BTRC: variants seen among roughly 807,000 people sequenced by gnomAD.
BTRC encodes beta-transducin repeat containing E3 ubiquitin protein ligase, also known as F-box/WD repeat-containing protein 1A.
A neutral mutation model predicts 85.5 loss-of-function variants in BTRC; 42 were observed. The observed-to-expected ratio is 0.49, with a 90% confidence interval of 0.38 to 0.64. The LOEUF (loss-of-function observed/expected upper bound fraction) is 0.64, where lower values mean the gene tolerates loss of function less well. Ranked by LOEUF, BTRC falls within the 30% of genes least tolerant of loss-of-function variation. The pLI, the probability that BTRC is intolerant of heterozygous loss-of-function variation, is 0.00. For synonymous variants in BTRC, 255 were observed against 263.3 expected, an observed-to-expected ratio of 0.97 and a Z score of 0.30; for missense variants, 594 against 743.5, an observed-to-expected ratio of 0.80 and a Z score of 2.34.
chr10:101,356,202 A>G (rs940337209), intron 1 of BTRC, among the ~76,000 whole-genome samples: 6 of 152,034 alleles, frequency 3.9e-5, no homozygotes, highest in Admixed American at 6.6e-5. Flanking sequence ...GGGTTTCACT[A>G]TGTTGGCCAG....
intron 1 of BTRC, among the ~76,000 whole-genome samples, chr10:101,383,057 A>ATTTTTT (rs370353886): frequency 3.4e-5 from 4 of 116,512 alleles, no homozygotes; most frequent in African/African-American, 1.1e-4. Flanking sequence ...TTCCCTGGAG[A>ATTTTTT]TTTTTTTTTT....
At chr10:101,465,605 C>T (rs75975943) in intron 3 of BTRC, among the ~76,000 whole-genome samples, 7,675 of 152,152 alleles carry the variant, frequency 0.05, 264 homozygotes, top group Non-Finnish European at 0.074. Context: ...AGAAATGATA[C>T]GAATTTTATG....
At chr10:101,396,013 A>G (rs1310536646) in intron 1 of BTRC, among the ~76,000 whole-genome samples, 2 of 152,024 alleles carry the variant, frequency 1.3e-5, no homozygotes, top group Non-Finnish European at 2.9e-5. Context: ...TCCCAGCTCT[A>G]GGGAGAGGTT....
At chr10:101,434,549 C>CA (rs538885046) in intron 2 of BTRC, among the ~76,000 whole-genome samples, 134 of 151,954 alleles carry the variant, frequency 8.8e-4, no homozygotes, top group African/African-American at 3.1e-3. Context: ...AGCTAAGATA[C>CA]AAAAAATATG....
chr10:101,436,432 C>T (rs1409313878), intron 2 of BTRC, among the ~76,000 whole-genome samples: 4 of 152,032 alleles, frequency 2.6e-5, no homozygotes, highest in Admixed American at 6.6e-5. Context: ...ATCACATGAG[C>T]CCAGGAGTTC....
At chr10:101,440,651 G>A (rs1313269816) in intron 2 of BTRC, among the ~76,000 whole-genome samples, 2 of 152,082 alleles carry the variant, frequency 1.3e-5, no homozygotes, top group Non-Finnish European at 2.9e-5. Flanking sequence ...AAGCCTTGGA[G>A]GTGGTGGTTG....
chr10:101,470,329 C>CTTTTTTTTTTTTTTTTT (rs950644281), intron 3 of BTRC, among the ~76,000 whole-genome samples: 1 of 94,934 alleles, frequency 1.1e-5, no homozygotes, highest in Non-Finnish European at 2.0e-5. Context: ...ATTTTTCTTT[C>CTTTTTTTTTTTTTTTTT]TTTTTTTTTT....
At chr10:101,462,743 G>A (rs1945262020) in intron 3 of BTRC, among the ~76,000 whole-genome samples, 1 of 151,544 alleles carries the variant, frequency 6.6e-6, no homozygotes, top group African/African-American at 2.4e-5. Context: ...TTTTACTTGT[G>A]AAAGTTCAAT....
At chr10:101,549,736 A>AAAAAAAAAAAAGAT (rs2062619932) in intron 13 of BTRC, among the ~76,000 whole-genome samples, 1 of 149,002 alleles carries the variant, frequency 6.7e-6, no homozygotes, top group Non-Finnish European at 1.5e-5. Flanking sequence ...AAAAAAAAAA[A>AAAAAAAAAAAAGAT]GATGATGATG....
At chr10:101,375,462 C>T (rs1942765963) in intron 1 of BTRC, among the ~76,000 whole-genome samples, 1 of 152,176 alleles carries the variant, frequency 6.6e-6, no homozygotes, top group East Asian at 1.9e-4. Flanking sequence ...TTATAAATTA[C>T]CCAGTCTCAG....
At chr10:101,524,448 T>C (rs2062162086) in intron 5 of BTRC, among the ~76,000 whole-genome samples, 2 of 152,210 alleles carry the variant, frequency 1.3e-5, no homozygotes, top group South Asian at 4.1e-4. Flanking sequence ...CTCTATGAGG[T>C]ATTAAATCAT....
At chr10:101,532,750 A>ATG (rs71643587) in intron 8 of BTRC, among the ~76,000 whole-genome samples, 3,824 of 102,176 alleles carry the variant, frequency 0.037, 76 homozygotes, top group South Asian at 0.073. Context: ...CTGAAGCTAT[A>ATG]TGTGTGTGTG....
intron 1 of BTRC, among the ~76,000 whole-genome samples, chr10:101,390,486 C>T (rs867725255): frequency 3.1e-5 from 4 of 127,408 alleles, no homozygotes; most frequent in Non-Finnish European, 5.7e-5. Context: ...TACAGGTGCC[C>T]GCCACCACGC....
chr10:101,532,803 C>CGTGT, intron 8 of BTRC, 149 bp from the exon 9 acceptor site: 1 of 621,220 alleles, frequency 1.6e-6, no homozygotes, highest in Non-Finnish European at 2.9e-6. Context: ...CGTGTGCGCG[C>CGTGT]GCGCGCGCTT....
At chr10:101,429,525 T>TTCC (rs751713820) in intron 1 of BTRC, among the ~76,000 whole-genome samples, 104 of 71,156 alleles carry the variant, frequency 1.5e-3, no homozygotes, top group African/African-American at 2.2e-3. Flanking sequence ...CCTCCCTCCC[T>TTCC]TCCTCCTCCT....
intron 1 of BTRC, among the ~76,000 whole-genome samples, chr10:101,373,646 G>A (rs1390506795): frequency 6.6e-6 from 1 of 152,066 alleles, no homozygotes; most frequent in Non-Finnish European, 1.5e-5. Context: ...GGCCGGGCGC[G>A]GTGGTTCACG....
chr10:101,410,478 G>A (rs1450149915), intron 1 of BTRC, among the ~76,000 whole-genome samples: 2 of 152,020 alleles, frequency 1.3e-5, no homozygotes, highest in Admixed American at 6.6e-5. Flanking sequence ...AGCCAGGCAC[G>A]ATGATGCGTG....
At chr10:101,444,606 A>G (rs1944774994) in intron 2 of BTRC, among the ~76,000 whole-genome samples, 1 of 152,182 alleles carries the variant, frequency 6.6e-6, no homozygotes, top group Non-Finnish European at 1.5e-5. Flanking sequence ...TGTATTTATG[A>G]TGATGTGCTG....
chr10:101,404,002 G>GTATATATATA (rs753639521), intron 1 of BTRC, among the ~76,000 whole-genome samples: 5 of 61,760 alleles, frequency 8.1e-5, no homozygotes, highest in African/African-American at 3.6e-4. Context: ...GTGTGTGTGT[G>GTATATATATA]TATATATATA....
Sources: gnomAD v4.1 joint callset for allele counts (sites outside exome capture counted in the v4.1 genomes callset) on GRCh38, gnomAD v4.1.1 for gene constraint, MANE v1.5 for transcripts, NCBI Gene and HGNC (gene_info 2026-07-23, HGNC 2026-07-21) for gene names.